TRPM6: variants seen among roughly 807,000 people sequenced by gnomAD.
The protein encoded by TRPM6 is transient receptor potential cation channel subfamily M member 6.
TRPM6 carries 111 observed loss-of-function variants against 247.6 expected under a neutral mutation model. The observed-to-expected ratio is 0.45, with a 90% CI of 0.38 to 0.52. The LOEUF is 0.52. Among genes scored for constraint, TRPM6 ranks in the 20% least tolerant of loss-of-function variants. The pLI is 0.00. For missense variants in TRPM6, 2,126 were observed against 2,421.5 expected, an observed-to-expected ratio of 0.88 and a Z score of 2.56; for synonymous variants, 892 against 853.8, an observed-to-expected ratio of 1.04 and a Z score of -0.78.
At chr9:74,822,250 T>G (rs1829155405) in intron 7 of TRPM6, among the ~76,000 whole-genome samples, 2 of 152,142 alleles carry the variant, frequency 1.3e-5, no homozygotes, top group South Asian at 2.1e-4. Flanking sequence ...AATTATTACT[T>G]ATTTATTTAT....
At position 74,820,396 on chromosome 9, in the gene TRPM6, T is replaced by C; in HGVS notation, c.1042A>G (p.Ile348Val). The C allele has an allele frequency of 5.0e-6, 8 of 1,614,170 alleles. No individual in the cohort carries two copies. The highest frequency in any genetic ancestry group is 6.8e-6 in the Non-Finnish European group (8 of 1,180,022). Residue 348 changes from isoleucine to valine, a missense_variant, in exon 9 of 39, where the codon ATC (isoleucine) becomes GTC (valine). Ile to Val is a conservative substitution (Grantham distance 29). Around this residue, in one of 3 missense-constraint regions of TRPM6, gnomAD observed 1,082 missense variants for 1,307.9 expected, o/e 0.83. Coordinates refer to ENST00000360774, the MANE Select transcript of TRPM6 (RefSeq NM_017662.5). Reference sequence around the variant, plus strand: ...TTGAAAGTGTTCTGAATCATGCAGATGATCTCCTCTTTCACCTGAGGTCGC... The same window carrying C: ...TTGAAAGTGTTCTGAATCATGCAGACGATCTCCTCTTTCACCTGAGGTCGC... ...MLRPQVKEEI[I>V]CMIQNTFNFS...
chr9:74,855,577 A>G lies in TRPM6; in HGVS notation c.114-12T>C. On this transcript the variant is annotated splice_polypyrimidine_tract_variant and intron_variant, in intron 2 of 38. Transcript: ENST00000360774. ...ATACTGGAGTACATCTAAATTAAAG[A>G]AATAAAACCTCTGTTAGTTTGTTGG... The G allele has an allele frequency of 6.3e-7, 1 of 1,576,140 alleles. No individual in the cohort carries two copies. Among genetic ancestry groups the G allele is most frequent in the Non-Finnish European group, 8.7e-7 (1 of 1,145,866 alleles).
chr9:74,737,826 A>C (rs1209599826), intron 36 of TRPM6, among the ~76,000 whole-genome samples: 1 of 152,218 alleles, frequency 6.6e-6, no homozygotes, highest in African/African-American at 2.4e-5. Flanking sequence ...CCTGCAAGGA[A>C]AGCCTGCTGG....
chr9:74,741,908 A>T (rs1231056323), intron 33 of TRPM6, among the ~76,000 whole-genome samples: 1 of 152,010 alleles, frequency 6.6e-6, no homozygotes, highest in Non-Finnish European at 1.5e-5. Context: ...AAATAAAAAT[A>T]AAAATAAATA....
Position 74,736,505 on chromosome 9 carries a change from G to A in TRPM6, c.5776+1902C>T, listed in dbSNP as rs192613411. Among the ~76,000 whole-genome samples, 6 of 152,240 alleles carry A rather than the reference G, an allele frequency of 3.9e-5. No homozygotes were observed. In the East Asian group the frequency reaches 9.6e-4, roughly 24 times the overall value. On this transcript the variant is annotated intron_variant, in intron 36 of 38. Transcript: ENST00000360774. ...GTTTGGATTAAATATAATAATGCAC[G>A]TAAACCTTTAGCCAAGTGCCTGGCA...
chr9:74,737,305 A>T, intron 36 of TRPM6: 1 of 1,205,092 alleles, frequency 8.3e-7, no homozygotes, highest in Non-Finnish European at 1.1e-6. Flanking sequence ...TTTGTGTCAC[A>T]TCCTTGAGCA....
Position 74,762,200 on chromosome 9 carries a change from G to A in TRPM6, c.4471C>T (p.Gln1491Ter). ...DSDSSRSEQH[Q>*]KQAQDSSLSD... is the part of the protein sequence containing the mutation. ...AGGGAGCTGTCCTGGGCCTGCTTCT[G>A]GTGCTGTTCACTCCGAGAGGAATCA... Residue 1491 changes from glutamine (Q) to a stop codon, truncating the protein, a stop_gained, in exon 26 of 39, where the codon CAG becomes TAG. Coordinates refer to ENST00000360774, the MANE Select transcript of TRPM6 (RefSeq NM_017662.5). LOFTEE classifies it high-confidence loss of function. 6.2e-7 allele frequency: 1 copy of A among 1,614,156 alleles called. No individual in the cohort carries two copies. Among genetic ancestry groups the A allele is most frequent in the Non-Finnish European group, 8.5e-7 (1 of 1,180,008 alleles).
Position 74,723,477 on chromosome 9 carries a change from C to T in TRPM6, c.*1136G>A, listed in dbSNP as rs1454447247. 1 of 149,754 alleles carries T rather than the reference C, an allele frequency of 6.7e-6. No individual in the cohort carries two copies. Among genetic ancestry groups the T allele is most frequent in the African/African-American group, 2.5e-5 (1 of 40,550 alleles). 9.3% of individuals were successfully genotyped at this position (149,754 alleles called of 1,614,324 possible). Reference sequence around the variant, plus strand: ...AGGGAAACCCTTTCTTAATGATTTCCAGTTCTTCATATTCTTGTTCTCGTT... The same window carrying T: ...AGGGAAACCCTTTCTTAATGATTTCTAGTTCTTCATATTCTTGTTCTCGTT... On this transcript the variant is annotated 3_prime_UTR_variant, in exon 39 of 39. Transcript: ENST00000360774.
chr9:74,804,330 T>C (rs1828455766), intron 14 of TRPM6: 1 of 425,698 alleles, frequency 2.3e-6, no homozygotes. Flanking sequence ...TCAGGTATTA[T>C]ATAATATCTC....
intron 28 of TRPM6, 92 bp from the exon 29 acceptor site, chr9:74,752,460 A>G: frequency 2.7e-6 from 2 of 741,566 alleles, no homozygotes; most frequent in East Asian, 2.7e-5. Flanking sequence ...AACACAGTAC[A>G]TTCATTTAAA....
chr9:74,774,808 T>A (rs1827161737), intron 24 of TRPM6, among the ~76,000 whole-genome samples: 1 of 152,234 alleles, frequency 6.6e-6, no homozygotes, highest in Non-Finnish European at 1.5e-5. Flanking sequence ...GCAGCCAACA[T>A]CAATGAATAT....
intron 11 of TRPM6, among the ~76,000 whole-genome samples, chr9:74,814,556 C>T (rs1273813308): frequency 1.3e-5 from 2 of 151,934 alleles, no homozygotes; most frequent in Non-Finnish European, 2.9e-5. Context: ...ATCCCAGACA[C>T]CCCATAAATA....
intron 17 of TRPM6, among the ~76,000 whole-genome samples, chr9:74,799,185 T>A (rs1828212281): frequency 6.6e-6 from 1 of 152,212 alleles, no homozygotes; most frequent in Non-Finnish European, 1.5e-5. Context: ...CTTATTTCTA[T>A]AATTTCATCA....
chr9:74,852,135 T>C (rs1159349790), intron 3 of TRPM6, among the ~76,000 whole-genome samples: 1 of 152,014 alleles, frequency 6.6e-6, no homozygotes, highest in Non-Finnish European at 1.5e-5. Flanking sequence ...GACCTTGCTT[T>C]TAAAAATTAG....
chr9:74,867,611 T>C (rs1830889269), intron 1 of TRPM6, among the ~76,000 whole-genome samples: 1 of 152,194 alleles, frequency 6.6e-6, no homozygotes, highest in Non-Finnish European at 1.5e-5. Context: ...TAGTTTGGAA[T>C]GCATTCAATT....
rs1829132779 is a variant in TRPM6, at chr9:74,821,704, G to A, written c.975C>T (p.Leu325=). The A allele has an allele frequency of 1.9e-6, 3 of 1,614,086 alleles. No individual in the cohort carries two copies. The highest frequency in any genetic ancestry group is 2.7e-5 in the African/African-American group (2 of 74,930). Residue 325 remains leucine, a synonymous_variant, in exon 8 of 39, where the codon CTC becomes CTT. Transcript: ENST00000360774. ...CCAGGTGTTTGTGTGTGAAGGCCAG[G>A]AGGTCAGCCGCCCTACCTGTGCCCT... ...VCEGTGRAAD[L]LAFTHKHLAD...
chr9:74,809,810 G>A (rs563098759), intron 13 of TRPM6, among the ~76,000 whole-genome samples: 4 of 151,438 alleles, frequency 2.6e-5, no homozygotes, highest in Non-Finnish European at 5.9e-5. Context: ...GAAACCCCAC[G>A]TCTACCAAAA....
chr9:74,804,487 T>C (rs1828462657), intron 14 of TRPM6: 2 of 678,358 alleles, frequency 2.9e-6, no homozygotes, highest in African/African-American at 3.5e-5. Context: ...TTGCCTGATC[T>C]CTATTTCTAC....
chr9:74,847,631 G>A (rs1355738570), intron 3 of TRPM6, among the ~76,000 whole-genome samples: 11 of 151,566 alleles, frequency 7.3e-5, no homozygotes, highest in Admixed American at 7.2e-4. Flanking sequence ...ATAGTCATAT[G>A]TATAGTCATA....
Sources: gnomAD v4.1 joint callset for allele counts (sites outside exome capture counted in the v4.1 genomes callset) on GRCh38, gnomAD v4.1.1 for gene constraint, gnomAD v4.1.1 regional missense constraint, MANE v1.5 for transcripts, NCBI Gene and HGNC (gene_info 2026-07-23, HGNC 2026-07-21) for gene names.